The following ATP6V1C1 variants were observed in gnomAD, a reference collection of about 807,000 sequenced individuals.
ATP6V1C1 encodes ATPase H+ transporting V1 subunit C1, also known as V-type proton ATPase subunit C 1.
Under a neutral mutation model 53.9 loss-of-function variants are expected in ATP6V1C1, and 45 were observed. The observed-to-expected ratio is 0.83, with a 90% CI of 0.66 to 1.07. The LOEUF is 1.07. Ranked by LOEUF, ATP6V1C1 falls within the 50% of genes least tolerant of loss-of-function variation. The pLI, the probability that ATP6V1C1 is intolerant of heterozygous loss-of-function variation, is 0.00. For missense variants in ATP6V1C1, 315 were observed against 440.3 expected (o/e 0.72, Z 2.55); for synonymous variants, 153 against 155.2 (o/e 0.99, Z 0.11).
chr8:103,047,323 C>T (rs1328646828), intron 3 of ATP6V1C1, among the ~76,000 whole-genome samples: 1 of 150,974 alleles, frequency 6.6e-6, no homozygotes, highest in Non-Finnish European at 1.5e-5. Context: ...AAGAGGATCG[C>T]TTGAGCCCAG....
At position 103,060,004 on chromosome 8, in the gene ATP6V1C1, C is replaced by G. The variant is rs1209737433; in HGVS notation, c.642-2951C>G. 7.4e-5 allele frequency among the ~76,000 whole-genome samples: 11 copies of G among 147,982 alleles called. No homozygotes were observed. In the East Asian group the frequency reaches 1.8e-3, roughly 24 times the overall value. Reference sequence around the variant, plus strand: ...TTTTTTTTTTTGAGACACAGTCTCTCTCACCCAGGCTGGAGTGCAGAGGTG... The same window carrying G: ...TTTTTTTTTTTGAGACACAGTCTCTGTCACCCAGGCTGGAGTGCAGAGGTG... On this transcript the variant is annotated intron_variant, in intron 8 of 12. Coordinates refer to ENST00000518738, the MANE Select transcript of ATP6V1C1 (RefSeq NM_001695.5).
intron 1 of ATP6V1C1, among the ~76,000 whole-genome samples, chr8:103,040,315 G>A (rs933149347): frequency 1.3e-5 from 2 of 151,788 alleles, no homozygotes; most frequent in African/African-American, 4.8e-5. Flanking sequence ...TCAGGAGGCT[G>A]AGGCACAAAA....
At chr8:103,061,305 C>A (rs1256457781) in intron 8 of ATP6V1C1, among the ~76,000 whole-genome samples, 1 of 152,190 alleles carries the variant, frequency 6.6e-6, no homozygotes, top group Non-Finnish European at 1.5e-5. Flanking sequence ...TAGGGAGGTG[C>A]CCCTGCTGGC....
At chr8:103,033,543 T>TA (rs1009147834) in intron 1 of ATP6V1C1, among the ~76,000 whole-genome samples, 9 of 152,214 alleles carry the variant, frequency 5.9e-5, no homozygotes, top group African/African-American at 2.2e-4. Flanking sequence ...GATTTCCACT[T>TA]ACCGTCCTGG....
At chr8:103,056,110 G>C (rs550763938) in intron 8 of ATP6V1C1, among the ~76,000 whole-genome samples, 174 bp downstream of exon 8, 1 of 152,278 alleles carries the variant, frequency 6.6e-6, no homozygotes, top group African/African-American at 2.4e-5. Context: ...GGCACAGTCT[G>C]TTTGACAACC....
At chr8:103,066,176 A>G (rs2131405600) in intron 11 of ATP6V1C1, 145 bp from the exon 12 acceptor site, 1 of 965,916 alleles carries the variant, frequency 1.0e-6, no homozygotes. Context: ...CAGTTTCTAT[A>G]TATATTAGTT....
chr8:103,055,801 C>T (rs1817280753), intron 7 of ATP6V1C1, 67 bp from the exon 8 acceptor site: 2 of 1,435,208 alleles, frequency 1.4e-6, no homozygotes, highest in Non-Finnish European at 1.9e-6. Context: ...AATTTTTTCT[C>T]TTCCTGGATA....
intron 8 of ATP6V1C1, 96 bp from the exon 9 acceptor site, chr8:103,062,859 C>T: frequency 9.7e-7 from 1 of 1,026,514 alleles, no homozygotes; most frequent in Non-Finnish European, 1.5e-6. Context: ...GCTATTATAC[C>T]CTACTTTTCT....
intron 1 of ATP6V1C1, among the ~76,000 whole-genome samples, chr8:103,034,301 G>A (rs1182986246): frequency 6.6e-6 from 1 of 152,056 alleles, no homozygotes; most frequent in Non-Finnish European, 1.5e-5. Context: ...GCTACATTTA[G>A]GCCTGACTTC....
intron 1 of ATP6V1C1, among the ~76,000 whole-genome samples, chr8:103,022,142 A>T (rs1816608372): frequency 6.6e-6 from 1 of 152,094 alleles, no homozygotes; most frequent in Admixed American, 6.5e-5. Context: ...TGGAGCAACG[A>T]CACATGTGTA....
rs2515204 is a variant in ATP6V1C1 at position 103,070,824 on chromosome 8, C to T, written c.*2077C>T. The T allele has an allele frequency of 0.041, 6,260 of 152,292 alleles. 138 individuals carry two copies. The highest frequency in any genetic ancestry group is 0.053 in the African/African-American group (2,211 of 41,546). The allele number at this position is 152,292 out of a possible 1,614,324, so 9.4% of individuals were successfully genotyped here. A position where few individuals can be genotyped will look rare whatever the true frequency, so the allele number is the denominator to read the frequency against. On this transcript the variant is annotated 3_prime_UTR_variant, in exon 13 of 13. Transcript: ENST00000518738. ...GGCCAGGCCCCAGCTCTGCTGCTGA[C>T]GAGCTGTGTGGTCCTGGGCAGAGTG...
intron 1 of ATP6V1C1, 70 bp from the exon 2 acceptor site, chr8:103,040,728 C>G (rs1159712474): frequency 1.5e-6 from 2 of 1,370,522 alleles, no homozygotes; most frequent in African/African-American, 2.9e-5. Context: ...ATAACTTCTC[C>G]TATGATTCTG....
intron 11 of ATP6V1C1, among the ~76,000 whole-genome samples, chr8:103,065,570 AAAAAC>A (rs1817474156): frequency 6.6e-6 from 1 of 151,668 alleles, no homozygotes; most frequent in African/African-American, 2.4e-5. Flanking sequence ...CTCCGCCTGA[AAAAAC>A]AAAACACAAA....
In ATP6V1C1 at chr8:103,064,702, T is replaced by G. The variant is rs773828476; in HGVS notation, c.829-12T>G. 41 of 1,599,048 alleles carry G rather than the reference T, an allele frequency of 2.6e-5. No individual in the cohort carries two copies. The highest frequency in any genetic ancestry group is 3.5e-5 in the Non-Finnish European group (41 of 1,175,530). On this transcript the variant is annotated splice_polypyrimidine_tract_variant and intron_variant, in intron 10 of 12. Coordinates refer to ENST00000518738, the MANE Select transcript of ATP6V1C1 (RefSeq NM_001695.5). ...AAGACCAAATTTGTGGTAATTTTTT[T>G]TCTTTTTATAGGGACCACTTGTACG...
rs911130845 is a variant in ATP6V1C1 at position 103,072,512 on chromosome 8, T to C, written c.*3765T>C. On this transcript the variant is annotated 3_prime_UTR_variant, in exon 13 of 13. Transcript: ENST00000518738. ...CCTAGAAGGTCTATAAATGGTATTA[T>C]GTTCTGGAGGAAACCTAGCAAAAAC... The C allele has an allele frequency of 6.6e-6, 1 of 152,256 alleles. No homozygotes were observed. Among genetic ancestry groups the C allele is most frequent in the African/African-American group, 2.4e-5 (1 of 41,476 alleles). 9.4% of individuals were successfully genotyped at this position (152,256 alleles called of 1,614,324 possible). A position where few individuals can be genotyped will look rare whatever the true frequency, so the allele number is the denominator to read the frequency against.
chr8:103,021,413 C>G (rs887186940), intron 1 of ATP6V1C1, 188 bp downstream of exon 1: 2 of 152,188 alleles, frequency 1.3e-5, no homozygotes, highest in African/African-American at 2.4e-5. Flanking sequence ...GGTTCCGTCT[C>G]TAAGGAAGAG....
At chr8:103,045,250 G>A (rs1014140409) in intron 3 of ATP6V1C1, among the ~76,000 whole-genome samples, 1 of 152,190 alleles carries the variant, frequency 6.6e-6, no homozygotes, top group Non-Finnish European at 1.5e-5. Context: ...TGAATTGATA[G>A]AACCACCTGA....
At chr8:103,049,147 A>C (rs749588642) in intron 4 of ATP6V1C1, among the ~76,000 whole-genome samples, 192 bp downstream of exon 4, 6 of 152,292 alleles carry the variant, frequency 3.9e-5, no homozygotes, top group Non-Finnish European at 5.9e-5. Flanking sequence ...ACATAATCTC[A>C]TAGAAGACAG....
intron 1 of ATP6V1C1, among the ~76,000 whole-genome samples, chr8:103,037,582 G>T (rs572634981): frequency 6.6e-6 from 1 of 152,178 alleles, no homozygotes; most frequent in East Asian, 1.9e-4. Context: ...GATTAATTTG[G>T]TATCTAGATT....
Sources: gnomAD v4.1 joint callset for allele counts (sites outside exome capture counted in the v4.1 genomes callset) on GRCh38, gnomAD v4.1.1 for gene constraint, MANE v1.5 for transcripts, NCBI Gene and HGNC (gene_info 2026-07-23, HGNC 2026-07-21) for gene names.